Variants in ATRN observed in about 807,000 individuals in gnomAD.
ATRN encodes the protein attractin-2.
Under a neutral mutation model 178.7 loss-of-function variants are expected in ATRN, and 54 were observed. That is an observed-to-expected ratio of 0.30 (90% CI 0.24 to 0.38). The LOEUF is 0.38. Among genes scored for constraint, ATRN ranks in the 10% least tolerant of loss-of-function variants. ATRN has a pLI of 1.00. For missense variants in ATRN, 1,443 were observed against 1,815.1 expected, an observed-to-expected ratio of 0.79 and a Z score of 3.73; for synonymous variants, 636 against 663.0, an observed-to-expected ratio of 0.96 and a Z score of 0.63.
At chr20:3,493,693 C>T (rs2084839067) in intron 1 of ATRN, among the ~76,000 whole-genome samples, 1 of 152,148 alleles carries the variant, frequency 6.6e-6, no homozygotes. Flanking sequence ...CCACACGGCA[C>T]CTATTCATCT....
intron 22 of ATRN, 48 bp from the exon 23 acceptor site, chr20:3,600,898 C>A: frequency 6.7e-7 from 1 of 1,497,704 alleles, no homozygotes; most frequent in South Asian, 1.2e-5. Flanking sequence ...ATTTTAAAAT[C>A]TAGAAATTGT....
At chr20:3,490,750 A>C in intron 1 of ATRN, 1 of 789,926 alleles carries the variant, frequency 1.3e-6, no homozygotes, top group Non-Finnish European at 2.3e-6. Context: ...TCCTTTATTT[A>C]CTCGAGTCTA....
At chr20:3,536,791 A>T (rs1442354483) in intron 2 of ATRN, among the ~76,000 whole-genome samples, 1 of 152,216 alleles carries the variant, frequency 6.6e-6, no homozygotes, top group African/African-American at 2.4e-5. Flanking sequence ...CGTGTCAAGA[A>T]GATGAGGCCT....
At chr20:3,588,594 G>A (rs1242381738) in intron 18 of ATRN, among the ~76,000 whole-genome samples, 1 of 152,144 alleles carries the variant, frequency 6.6e-6, no homozygotes, top group Non-Finnish European at 1.5e-5. Flanking sequence ...CTATTTGCTA[G>A]TTGGGGATTT....
At chr20:3,530,888 C>T (rs1222735061) in intron 1 of ATRN, among the ~76,000 whole-genome samples, 1 of 152,016 alleles carries the variant, frequency 6.6e-6, no homozygotes, top group Non-Finnish European at 1.5e-5. Flanking sequence ...GCCTCCTGTT[C>T]CCCTATTCTC....
intron 22 of ATRN, among the ~76,000 whole-genome samples, chr20:3,598,413 C>T (rs1360603233): frequency 6.6e-6 from 1 of 151,868 alleles, no homozygotes; most frequent in African/African-American, 2.4e-5. Context: ...GAGGGGACCC[C>T]AATCAGACAG....
chr20:3,528,867 C>T (rs1252581837), intron 1 of ATRN, among the ~76,000 whole-genome samples: 1 of 152,108 alleles, frequency 6.6e-6, no homozygotes, highest in Non-Finnish European at 1.5e-5. Flanking sequence ...AGCTGCAGTA[C>T]AGTGGCACCA....
intron 24 of ATRN, among the ~76,000 whole-genome samples, chr20:3,609,062 T>G (rs1472437557): frequency 2.6e-5 from 4 of 152,144 alleles, no homozygotes; most frequent in Non-Finnish European, 5.9e-5. Context: ...TCTATTTCTG[T>G]GAAGAATGTC....
Position 3,624,496 on chromosome 20 carries a change from G to A in ATRN, c.3802-15G>A, listed in dbSNP as rs754545512. The stretch of plus-strand genomic sequence containing the variant: ...CATGACCTGCATAATCACACTACCT[G>A]TTTTTCTGTCACAGATTGCCTTCTC... On this transcript the variant is annotated splice_polypyrimidine_tract_variant and intron_variant, in intron 24 of 28. Transcript: ENST00000262919. The A allele has an allele frequency of 6.2e-7, 1 of 1,611,058 alleles. No homozygotes were observed. The highest frequency in any genetic ancestry group is 2.2e-5 in the East Asian group (1 of 44,848).
At chr20:3,589,024 C>A (rs1275721174) in intron 18 of ATRN, among the ~76,000 whole-genome samples, 1 of 113,114 alleles carries the variant, frequency 8.8e-6, no homozygotes, top group African/African-American at 3.3e-5. Flanking sequence ...ACTCTTTCAC[C>A]CAGTCTGGAG....
rs147509065 is a variant in ATRN at position 3,645,881 on chromosome 20, T to C, written c.4166-842T>C. 5.7e-4 allele frequency among the ~76,000 whole-genome samples: 87 copies of C among 151,838 alleles called. No homozygotes were observed. Among genetic ancestry groups the C allele is most frequent in the African/African-American group, 2.0e-3 (81 of 41,398 alleles). On this transcript the variant is annotated intron_variant, in intron 28 of 28. Coordinates refer to ENST00000262919, the MANE Select transcript of ATRN (RefSeq NM_139321.3). This position sits in a 1 kb window ranked among gnomAD's most constrained non-coding sequence, Gnocchi z 4.7. The stretch of plus-strand genomic sequence containing the variant: ...TTCCCACGTATATTAGGAATCCAGC[T>C]CCCCCAGAACCGTGCCTTCCCTAAT...
Position 3,648,247 on chromosome 20 carries a change from GAAA to G in ATRN, c.*1402_*1404del, listed in dbSNP as rs896098781. 4.0e-5 allele frequency: 6 copies of G among 148,570 alleles called. No homozygotes were observed. Among genetic ancestry groups the G allele is most frequent in the African/African-American group, 1.5e-4 (6 of 40,392 alleles). The allele number at this position is 148,570 out of a possible 1,614,324, so 9.2% of individuals were successfully genotyped here. ...GAGGGCAGCAAATGCTGACAAGGAT[GAAA>G]AGCACATGGAAAAAAATGGATGAGG... is the stretch of plus-strand genomic sequence containing the variant. On this transcript the variant is annotated 3_prime_UTR_variant, in exon 29 of 29. Transcript: ENST00000262919.
At chr20:3,633,176 C>G (rs755010815) in intron 25 of ATRN, among the ~76,000 whole-genome samples, 1 of 152,070 alleles carries the variant, frequency 6.6e-6, no homozygotes, top group Non-Finnish European at 1.5e-5. Flanking sequence ...TTGGCAGTGT[C>G]CTGATAGCAG....
chr20:3,546,281 TA>T (rs1272127097), intron 4 of ATRN, among the ~76,000 whole-genome samples: 1 of 152,186 alleles, frequency 6.6e-6, no homozygotes, highest in African/African-American at 2.4e-5. Context: ...CTATACTCAT[TA>T]AAGTACCTTG....
intron 12 of ATRN, among the ~76,000 whole-genome samples, chr20:3,573,876 T>C (rs1203328182): frequency 6.6e-6 from 1 of 152,196 alleles, no homozygotes; most frequent in Non-Finnish European, 1.5e-5. Context: ...GTGATTCTTA[T>C]ACAGTCACCT....
intron 26 of ATRN, among the ~76,000 whole-genome samples, chr20:3,635,608 G>T (rs764128811): frequency 6.6e-6 from 1 of 152,042 alleles, no homozygotes; most frequent in African/African-American, 2.4e-5. Context: ...ATATAAAAAT[G>T]TATTTATAGA....
intron 27 of ATRN, among the ~76,000 whole-genome samples, chr20:3,641,819 G>C (rs2087071507): frequency 6.6e-6 from 1 of 151,960 alleles, no homozygotes; most frequent in Non-Finnish European, 1.5e-5. Flanking sequence ...CAGCAGACCT[G>C]CACAAAAGAA....
chr20:3,631,975 T>A (rs1329729195), intron 25 of ATRN, among the ~76,000 whole-genome samples: 2 of 152,170 alleles, frequency 1.3e-5, no homozygotes, highest in East Asian at 3.9e-4. Context: ...GACATTCTCA[T>A]CTATCTGTAT....
chr20:3,603,291 G>A (rs1057107183), intron 23 of ATRN, among the ~76,000 whole-genome samples: 1 of 152,112 alleles, frequency 6.6e-6, no homozygotes, highest in African/African-American at 2.4e-5. Flanking sequence ...TTACTGGCAT[G>A]GGAGTCTGGC....
Sources: gnomAD v4.1 joint callset for allele counts (sites outside exome capture counted in the v4.1 genomes callset) on GRCh38, gnomAD v4.1.1 for gene constraint, Gnocchi (gnomAD v3.1) non-coding constraint, MANE v1.5 for transcripts, NCBI Gene and HGNC (gene_info 2026-07-23, HGNC 2026-07-21) for gene names.